Variants in RBM20 observed in about 807,000 individuals in gnomAD.
The protein encoded by RBM20 is RNA-binding protein 20.
RBM20 carries 51 observed loss-of-function variants against 110.1 expected under a neutral mutation model. The ratio of observed to expected loss-of-function variants is 0.46; its 90% confidence interval spans 0.37 to 0.59. The LOEUF (loss-of-function observed/expected upper bound fraction) is 0.59. Ranked by LOEUF, RBM20 falls within the 20% of genes least tolerant of loss-of-function variation. RBM20 has a pLI of 0.00. For synonymous variants in RBM20, 589 were observed against 618.2 expected, an observed-to-expected ratio of 0.95 and a Z score of 0.70; for missense variants, 1,512 against 1,574.9, an observed-to-expected ratio of 0.96 and a Z score of 0.68.
In RBM20 at chr10:110,687,717, C is replaced by T. The variant is rs150276261; in HGVS notation, c.191+43072C>T. On this transcript the variant is annotated intron_variant, in intron 1 of 13. Coordinates refer to ENST00000369519, the MANE Select transcript of RBM20 (RefSeq NM_001134363.3). ...GGGCAAGTCACTTGACCATTGTCCA[C>T]CTGTGATACAGGGGATGTGACTACA... 7.2e-5 allele frequency among the ~76,000 whole-genome samples: 11 copies of T among 152,268 alleles called. No homozygotes were observed. The East Asian group carries it at 1.7e-3, about 24-fold the overall frequency.
At chr10:110,687,485 C>T (rs1251159945) in intron 1 of RBM20, among the ~76,000 whole-genome samples, 1 of 152,210 alleles carries the variant, frequency 6.6e-6, no homozygotes, top group Non-Finnish European at 1.5e-5. Flanking sequence ...GACATCAGTT[C>T]TGTAATTTCA....
chr10:110,698,167 C>A (rs1862695875), intron 1 of RBM20, among the ~76,000 whole-genome samples: 1 of 152,186 alleles, frequency 6.6e-6, no homozygotes, highest in Non-Finnish European at 1.5e-5. Context: ...CTCGGCCTCC[C>A]AAAGTGCTGG....
At chr10:110,689,974 A>G (rs1398754937) in intron 1 of RBM20, among the ~76,000 whole-genome samples, 2 of 152,236 alleles carry the variant, frequency 1.3e-5, no homozygotes, top group Admixed American at 6.5e-5. Context: ...GAATGAAACA[A>G]TGCTTAAATA....
rs1014048064 is a variant in RBM20 at position 110,781,441 on chromosome 10, T to C, written c.832T>C (p.Phe278Leu). 7.7e-6 allele frequency: 12 copies of C among 1,551,454 alleles called. No homozygotes were observed. Among genetic ancestry groups the C allele is most frequent in the Non-Finnish European group, 1.0e-5 (12 of 1,147,004 alleles). Residue 278 changes from phenylalanine (F) to leucine (L), a missense_variant, in exon 2 of 14, where the codon TTT (phenylalanine) becomes CTT (leucine). Transcript: ENST00000369519. ...SHTGQDGQAA[F>L]SKDFYGPNSQ... ...CACAGGGCAGGATGGTCAAGCTGCC[T>C]TTTCCAAAGATTTTTACGGACCCAA...
At position 110,731,164 on chromosome 10, in the gene RBM20, G is replaced by A. The variant is rs115118802; in HGVS notation, c.192-49637G>A. Among the ~76,000 whole-genome samples, 852 of 152,208 alleles carry A rather than the reference G, an allele frequency of 5.6e-3. 11 individuals carry two copies. The highest frequency in any genetic ancestry group is 0.019 in the African/African-American group (788 of 41,522). On this transcript the variant is annotated intron_variant, in intron 1 of 13. Transcript: ENST00000369519. ...GGTACTCTGCATGAGGCCACTTCTC[G>A]ATATTTGGGGGCTGGTTGTTATCCA...
chr10:110,712,578 C>T (rs1171620927), intron 1 of RBM20, among the ~76,000 whole-genome samples: 2 of 152,126 alleles, frequency 1.3e-5, no homozygotes, highest in African/African-American at 4.8e-5. Flanking sequence ...ACCAGCCTGG[C>T]CAAAATGGTG....
At chr10:110,782,709 T>G (rs1229782494) in intron 2 of RBM20, among the ~76,000 whole-genome samples, 2 of 152,126 alleles carry the variant, frequency 1.3e-5, no homozygotes, top group African/African-American at 4.8e-5. Context: ...CCCTGACCCT[T>G]TCAGAGCCTG....
At chr10:110,656,790 A>G (rs746668841) in intron 1 of RBM20, among the ~76,000 whole-genome samples, 20 of 152,180 alleles carry the variant, frequency 1.3e-4, no homozygotes, top group Non-Finnish European at 2.4e-4. Context: ...ATACTGTGTC[A>G]TGTGTCAGCA....
chr10:110,822,429 G>T (rs1564664949), intron 11 of RBM20: 3 of 457,126 alleles, frequency 6.6e-6, no homozygotes, highest in South Asian at 4.7e-5. Flanking sequence ...TTTTGCTAGG[G>T]TCTGACAGTG....
chr10:110,767,586 G>C (rs1210108724), intron 1 of RBM20, among the ~76,000 whole-genome samples: 2 of 150,658 alleles, frequency 1.3e-5, no homozygotes, highest in East Asian at 4.0e-4. Context: ...GCGGTTGCCA[G>C]ACGGAGGGTC....
intron 1 of RBM20, among the ~76,000 whole-genome samples, chr10:110,719,464 C>T (rs1441671718): frequency 6.6e-6 from 1 of 152,162 alleles, no homozygotes; most frequent in Non-Finnish European, 1.5e-5. Flanking sequence ...GTCTCACTGC[C>T]ATGCTATTGA....
chr10:110,681,496 G>T (rs1346709393), intron 1 of RBM20, among the ~76,000 whole-genome samples: 3 of 152,226 alleles, frequency 2.0e-5, no homozygotes, highest in African/African-American at 7.2e-5. Flanking sequence ...TCACTGGCTT[G>T]AAGTGTCAGT....
At chr10:110,815,043 T>C (rs147860608) in intron 9 of RBM20, among the ~76,000 whole-genome samples, 178 of 152,258 alleles carry the variant, frequency 1.2e-3, no homozygotes, top group African/African-American at 3.4e-3. Context: ...GCAGGCAACA[T>C]ATACAGGCAA....
At chr10:110,793,904 G>T (rs989961584) in intron 5 of RBM20, among the ~76,000 whole-genome samples, 25 of 152,176 alleles carry the variant, frequency 1.6e-4, no homozygotes, top group African/African-American at 5.8e-4. Flanking sequence ...ATAATGTTTA[G>T]CCCCCTGCTT....
At chr10:110,752,945 A>ATATATATTT (rs1433992064) in intron 1 of RBM20, among the ~76,000 whole-genome samples, 20 of 109,014 alleles carry the variant, frequency 1.8e-4, no homozygotes, top group African/African-American at 5.3e-4. Flanking sequence ...ATATATATAT[A>ATATATATTT]TTTTTTTTTT....
chr10:110,782,300 CA>C (rs915635813), intron 2 of RBM20, among the ~76,000 whole-genome samples: 2 of 152,098 alleles, frequency 1.3e-5, no homozygotes, highest in Non-Finnish European at 2.9e-5. Context: ...AATTTTGGAT[CA>C]GGGGAAACAG....
chr10:110,734,388 C>G (rs1195785147), intron 1 of RBM20, among the ~76,000 whole-genome samples: 3 of 152,192 alleles, frequency 2.0e-5, no homozygotes, highest in Non-Finnish European at 4.4e-5. Context: ...GCTCTGGGCA[C>G]TCATACACAT....
chr10:110,735,544 T>C (rs532481340), intron 1 of RBM20, among the ~76,000 whole-genome samples: 1 of 152,340 alleles, frequency 6.6e-6, no homozygotes, highest in Admixed American at 6.5e-5. Flanking sequence ...ATCTAGATTG[T>C]CTCTGATAGG....
At chr10:110,711,950 G>C (rs919559945) in intron 1 of RBM20, among the ~76,000 whole-genome samples, 1 of 151,962 alleles carries the variant, frequency 6.6e-6, no homozygotes, top group Non-Finnish European at 1.5e-5. Flanking sequence ...ATGTGTTGTT[G>C]ATCTACAGTG....
Sources: gnomAD v4.1 joint callset for allele counts (sites outside exome capture counted in the v4.1 genomes callset) on GRCh38, gnomAD v4.1.1 for gene constraint, MANE v1.5 for transcripts, NCBI Gene and HGNC (gene_info 2026-07-23, HGNC 2026-07-21) for gene names.